The following FGD5 variants were observed in gnomAD, a reference collection of about 807,000 sequenced individuals.
FGD5 encodes the protein FYVE, RhoGEF and PH domain-containing protein 5.
FGD5 carries 28 observed loss-of-function variants against 133.4 expected under a neutral mutation model. The observed-to-expected ratio is 0.21, with a 90% CI of 0.16 to 0.29. The LOEUF (loss-of-function observed/expected upper bound fraction) is 0.29, where lower values mean the gene tolerates loss of function less well. Among genes scored for constraint, FGD5 ranks in the 10% least tolerant of loss-of-function variants. The pLI, the probability that FGD5 is intolerant of heterozygous loss-of-function variation, is 1.00. For synonymous variants in FGD5, 810 were observed against 776.5 expected, an observed-to-expected ratio of 1.04 and a Z score of -0.72; for missense variants, 1,858 against 1,895.2, an observed-to-expected ratio of 0.98 and a Z score of 0.36.
chr3:14,902,048 G>A (rs763177949), intron 9 of FGD5, among the ~76,000 whole-genome samples: 3 of 151,990 alleles, frequency 2.0e-5, no homozygotes, highest in Non-Finnish European at 1.5e-5. Flanking sequence ...TTGGGAGGCC[G>A]AGGCAGGTGG....
intron 1 of FGD5, among the ~76,000 whole-genome samples, chr3:14,862,255 C>T (rs1322685344): frequency 6.6e-6 from 1 of 152,186 alleles, no homozygotes; most frequent in Admixed American, 6.5e-5. Context: ...CTCCTGCTGC[C>T]TGAGGTGGCT....
intron 2 of FGD5, among the ~76,000 whole-genome samples, chr3:14,864,770 G>T (rs1406848920): frequency 6.6e-6 from 1 of 152,218 alleles, no homozygotes; most frequent in African/African-American, 2.4e-5. Flanking sequence ...CTGATGGTGA[G>T]TTGGGGGCCA....
chr3:14,863,521 G>A (rs982794301), intron 1 of FGD5, among the ~76,000 whole-genome samples: 8 of 152,196 alleles, frequency 5.3e-5, no homozygotes, highest in Non-Finnish European at 1.0e-4. Flanking sequence ...CAACGCCTGT[G>A]GAGAGTAGTC....
chr3:14,862,379 T>C (rs1443880022), intron 1 of FGD5, among the ~76,000 whole-genome samples: 1 of 152,192 alleles, frequency 6.6e-6, no homozygotes, highest in Non-Finnish European at 1.5e-5. Flanking sequence ...GACCAGTCCA[T>C]GCAGTCACTT....
intron 9 of FGD5, among the ~76,000 whole-genome samples, chr3:14,907,428 G>C (rs903165309): frequency 6.6e-6 from 1 of 152,220 alleles, no homozygotes; most frequent in Non-Finnish European, 1.5e-5. Flanking sequence ...AGGCCAGGCA[G>C]CCGGCTCCAC....
At chr3:14,925,865 T>G (rs1308308364) in intron 17 of FGD5, among the ~76,000 whole-genome samples, 1 of 152,222 alleles carries the variant, frequency 6.6e-6, no homozygotes, top group Non-Finnish European at 1.5e-5. Flanking sequence ...CAAAGTCAGC[T>G]GGGTCCATTC....
chr3:14,848,025 C>T (rs1000921351), intron 1 of FGD5, among the ~76,000 whole-genome samples: 12 of 152,146 alleles, frequency 7.9e-5, no homozygotes, highest in Admixed American at 6.5e-4. Context: ...CCATTGTTGC[C>T]GGGCTCTGTC....
intron 1 of FGD5, 149 bp downstream of exon 1, chr3:14,821,745 T>G: frequency 3.6e-6 from 4 of 1,106,630 alleles, no homozygotes; most frequent in Non-Finnish European, 4.9e-6. Context: ...TTTATATCTC[T>G]GAGCCTCGGT....
rs766159337 is a variant in FGD5 at position 14,820,392 on chromosome 3, G to A, written c.1321G>A (p.Ala441Thr). 8.7e-6 allele frequency: 14 copies of A among 1,613,834 alleles called. No individual in the cohort carries two copies. The South Asian group carries it at 1.5e-4, about 18-fold the overall frequency. Residue 441 changes from alanine (A) to threonine (T), a missense_variant, in exon 1 of 20, where the codon GCC becomes ACC. Ala to Thr is a moderately conservative substitution (Grantham distance 58). Coordinates refer to ENST00000285046, the MANE Select transcript of FGD5 (RefSeq NM_152536.4). ...VMGVGLPGQA[A>T]PGEGGQAASD... ...GGGAGTGGGCCTGCCCGGTCAGGCG[G>A]CCCCTGGAGAAGGAGGGCAGGCTGC...
intron 11 of FGD5, among the ~76,000 whole-genome samples, chr3:14,911,721 G>GA (rs1391943587): frequency 3.3e-5 from 5 of 150,186 alleles, no homozygotes; most frequent in Middle Eastern, 3.4e-3. Context: ...AGTCCAATGG[G>GA]AGGGAGAAGC....
chr3:14,830,612 T>G (rs539213253), intron 1 of FGD5, among the ~76,000 whole-genome samples: 2 of 152,322 alleles, frequency 1.3e-5, no homozygotes, highest in South Asian at 4.1e-4. Flanking sequence ...ATTGTTGGAG[T>G]TCTTCGGTGA....
chr3:14,864,366 T>C (rs371492448), intron 2 of FGD5, 106 bp downstream of exon 2: 4 of 1,547,314 alleles, frequency 2.6e-6, no homozygotes, highest in Non-Finnish European at 8.8e-7. Context: ...TGTTTGCAGA[T>C]AGCTGGCCCC....
intron 1 of FGD5, among the ~76,000 whole-genome samples, chr3:14,834,488 A>G (rs888038312): frequency 6.6e-6 from 1 of 152,210 alleles, no homozygotes; most frequent in Admixed American, 6.5e-5. Context: ...TACTAACACT[A>G]TAGCACTGTC....
Position 14,820,021 on chromosome 3 carries a change from A to G in FGD5, c.950A>G (p.Gln317Arg), listed in dbSNP as rs755295273. 2 of 1,614,028 alleles carry G rather than the reference A, an allele frequency of 1.2e-6. No homozygotes were observed. The highest frequency in any genetic ancestry group is 2.2e-5 in the South Asian group (2 of 91,088). The change falls in exon 1 of 20, where the codon CAG (glutamine) becomes CGG (arginine). Residue 317 changes from glutamine to arginine, a missense_variant. Gln to Arg is a conservative substitution (Grantham distance 43). This residue lies in a region of FGD5 where 1,824 missense variants were observed against 1,848.9 expected (regional missense o/e 0.99). Transcript: ENST00000285046. ...VAAATLEDHAQDESAEESCQI... is the reference protein window; with the variant it reads ...VAAATLEDHARDESAEESCQI... Reference sequence around the variant, plus strand: ...GCCGCCACCCTGGAGGACCATGCACAGGATGAGTCCGCCGAGGAGAGCTGC... The same window carrying G: ...GCCGCCACCCTGGAGGACCATGCACGGGATGAGTCCGCCGAGGAGAGCTGC...
In FGD5 at chr3:14,844,851, C is replaced by A. The variant is rs114585415; in HGVS notation, c.2526-19277C>A. Among the ~76,000 whole-genome samples, 215 of 152,306 alleles carry A rather than the reference C, an allele frequency of 1.4e-3. 1 individual carries two copies. Among genetic ancestry groups the A allele is most frequent in the African/African-American group, 5.0e-3 (209 of 41,554 alleles). ...TCTCCTCAATAGACTGCACTCAAAT[C>A]TTTTTTGTTCCTGGAAAGTCTTGCC... On this transcript the variant is annotated intron_variant, in intron 1 of 19. Coordinates refer to ENST00000285046, the MANE Select transcript of FGD5 (RefSeq NM_152536.4).
intron 10 of FGD5, among the ~76,000 whole-genome samples, chr3:14,908,132 G>T (rs943387116): frequency 6.6e-6 from 1 of 152,140 alleles, no homozygotes; most frequent in African/African-American, 2.4e-5. Context: ...AATGGAAAAT[G>T]TAAAACTCAG....
At chr3:14,879,681 G>GTAAT (rs1261561184) in intron 2 of FGD5, among the ~76,000 whole-genome samples, 1 of 152,216 alleles carries the variant, frequency 6.6e-6, no homozygotes, top group African/African-American at 2.4e-5. Flanking sequence ...CTGGAGAGAT[G>GTAAT]TAATTGTTTC....
At chr3:14,893,453 G>A (rs191042716) in intron 4 of FGD5, among the ~76,000 whole-genome samples, 2 of 152,264 alleles carry the variant, frequency 1.3e-5, no homozygotes, top group East Asian at 1.9e-4. Flanking sequence ...CTGGGCTCAA[G>A]CAATCTTCCT....
intron 13 of FGD5, chr3:14,921,469 G>T: frequency 5.6e-6 from 1 of 178,696 alleles, no homozygotes; most frequent in African/African-American, 2.3e-5. Context: ...GCTATGTGGG[G>T]AGATGAGGAA....
Sources: gnomAD v4.1 joint callset for allele counts (sites outside exome capture counted in the v4.1 genomes callset) on GRCh38, gnomAD v4.1.1 for gene constraint, gnomAD v4.1.1 regional missense constraint, MANE v1.5 for transcripts, NCBI Gene and HGNC (gene_info 2026-07-23, HGNC 2026-07-21) for gene names.